The following RANBP10 variants were observed in gnomAD, a reference collection of about 807,000 sequenced individuals.
The protein encoded by RANBP10 is RAN binding protein 10.
Under a neutral mutation model 72.8 loss-of-function variants are expected in RANBP10, and 24 were observed. The ratio of observed to expected loss-of-function variants is 0.33; its 90% confidence interval spans 0.24 to 0.46. The LOEUF (loss-of-function observed/expected upper bound fraction) is 0.46. Among genes scored for constraint, RANBP10 ranks in the 20% least tolerant of loss-of-function variants. RANBP10 has a pLI of 1.00. For synonymous variants in RANBP10, 310 were observed against 322.3 expected, an observed-to-expected ratio of 0.96 and a Z score of 0.41; for missense variants, 679 against 817.5, an observed-to-expected ratio of 0.83 and a Z score of 2.07.
At chr16:67,780,156 C>T (rs1214069613) in intron 2 of RANBP10, among the ~76,000 whole-genome samples, 2 of 151,996 alleles carry the variant, frequency 1.3e-5, no homozygotes, top group Non-Finnish European at 2.9e-5. Context: ...CACTTGAACC[C>T]GGGAGGCGGA....
At chr16:67,761,021 C>A (rs746061068) in intron 3 of RANBP10, among the ~76,000 whole-genome samples, 3 of 152,250 alleles carry the variant, frequency 2.0e-5, no homozygotes, top group African/African-American at 7.2e-5. Context: ...CCCTTCCCTG[C>A]CAGCTCACCG....
At chr16:67,780,190 C>A (rs549562452) in intron 2 of RANBP10, among the ~76,000 whole-genome samples, 5 of 152,080 alleles carry the variant, frequency 3.3e-5, no homozygotes, top group Non-Finnish European at 7.3e-5. Flanking sequence ...CGAGATTGCG[C>A]CATTGCACTC....
At chr16:67,742,012 G>C (rs2053978899) in intron 4 of RANBP10, among the ~76,000 whole-genome samples, 1 of 151,834 alleles carries the variant, frequency 6.6e-6, no homozygotes, top group Non-Finnish European at 1.5e-5. Flanking sequence ...TTTTCAGTAA[G>C]GTCTCAATAA....
intron 6 of RANBP10, among the ~76,000 whole-genome samples, chr16:67,734,436 T>G (rs2053798044): frequency 6.6e-6 from 1 of 152,186 alleles, no homozygotes; most frequent in African/African-American, 2.4e-5. Flanking sequence ...TATAGACGAA[T>G]GAGACTCAGT....
At chr16:67,749,588 C>T (rs556895911) in intron 3 of RANBP10, among the ~76,000 whole-genome samples, 1 of 152,328 alleles carries the variant, frequency 6.6e-6, no homozygotes, top group Non-Finnish European at 1.5e-5. Flanking sequence ...CAACTCAGCT[C>T]CTAAGCTCAC....
intron 2 of RANBP10, among the ~76,000 whole-genome samples, chr16:67,804,099 T>C: frequency 6.6e-6 from 1 of 152,058 alleles, no homozygotes; most frequent in East Asian, 1.9e-4. Context: ...GCATTTTGCA[T>C]GCACTACAAA....
At chr16:67,753,832 C>G (rs561452523) in intron 3 of RANBP10, among the ~76,000 whole-genome samples, 2 of 152,020 alleles carry the variant, frequency 1.3e-5, no homozygotes, top group African/African-American at 4.8e-5. Flanking sequence ...CATGGTGGCA[C>G]CATTTATCAA....
At chr16:67,762,030 A>T (rs1014030302) in intron 3 of RANBP10, among the ~76,000 whole-genome samples, 3 of 152,148 alleles carry the variant, frequency 2.0e-5, no homozygotes, top group Non-Finnish European at 4.4e-5. Flanking sequence ...CCAAAGGAGG[A>T]GGACTGCTTG....
chr16:67,741,333 A>C (rs1385991724), intron 4 of RANBP10, among the ~76,000 whole-genome samples: 2 of 152,198 alleles, frequency 1.3e-5, no homozygotes, highest in Non-Finnish European at 2.9e-5. Context: ...CAGGAGAATG[A>C]GGAAAGACGC....
intron 12 of RANBP10, 54 bp downstream of exon 12, chr16:67,727,697 T>A (rs541450490): frequency 6.8e-6 from 11 of 1,611,768 alleles, no homozygotes; most frequent in Non-Finnish European, 9.3e-6. Flanking sequence ...AGAGCCACCC[T>A]GCCCCCAACA....
chr16:67,796,012 G>A (rs1409959055), intron 2 of RANBP10, among the ~76,000 whole-genome samples: 7 of 148,658 alleles, frequency 4.7e-5, no homozygotes, highest in East Asian at 2.0e-4. Flanking sequence ...CACCTCCCGC[G>A]TTCAAGTGAT....
rs141826437 is a variant in RANBP10, at chr16:67,729,375, CGAGGAG to C, written c.1251_1256del (p.Ser421_Ser422del). 2.1e-4 allele frequency: 330 copies of C among 1,607,928 alleles called. 2 individuals carry two copies. The African/African-American group carries it at 3.5e-3, about 17-fold the overall frequency. On this transcript the variant is annotated inframe_deletion, in exon 10 of 14. Coordinates refer to ENST00000317506, the MANE Select transcript of RANBP10 (RefSeq NM_020850.3). The surrounding 1 kb of genome is among the most constrained non-coding windows in gnomAD (Gnocchi z 7.1). ...AATTGACGGAGGATGGGGAAGAGGA[CGAGGAG>C]GAGGAGGAGGACGAGGATGAGGAGC...
intron 2 of RANBP10, among the ~76,000 whole-genome samples, chr16:67,794,930 T>TAAAAA (rs1239858200): frequency 3.3e-4 from 18 of 54,258 alleles, no homozygotes; most frequent in African/African-American, 8.5e-4. Context: ...TGCCTCAAAT[T>TAAAAA]AAAAAAAAAA....
At chr16:67,731,624 G>T in intron 6 of RANBP10, 40 bp from the exon 7 acceptor site, 1 of 1,495,392 alleles carries the variant, frequency 6.7e-7, no homozygotes, top group Non-Finnish European at 9.2e-7. Context: ...CTCAAGAACT[G>T]CACTTCTCAC....
At chr16:67,799,821 G>T (rs1158958928) in intron 2 of RANBP10, among the ~76,000 whole-genome samples, 1 of 151,866 alleles carries the variant, frequency 6.6e-6, no homozygotes, top group African/African-American at 2.4e-5. Context: ...TGTGCTCCTG[G>T]GGCCCAGGCT....
intron 10 of RANBP10, 112 bp from the exon 11 acceptor site, chr16:67,728,623 C>T (rs1487173730): frequency 1.9e-6 from 3 of 1,568,686 alleles, no homozygotes; most frequent in Non-Finnish European, 2.6e-6. Context: ...CCGAGGACCC[C>T]CAGGAACATG....
At chr16:67,754,736 G>A (rs2054257440) in intron 3 of RANBP10, among the ~76,000 whole-genome samples, 1 of 152,210 alleles carries the variant, frequency 6.6e-6, no homozygotes. Flanking sequence ...TGGGTGCCAG[G>A]AAAGCCAGTG....
At position 67,806,395 on chromosome 16, in the gene RANBP10, G is replaced by C. The variant is rs996555017; in HGVS notation, c.142C>G (p.Gln48Glu). ...GAGCGCGGCAGCGGAGTCTCTTGCTGGTTGACCGCGGGATACAGGCGCTGC... is the reference window on the plus strand; with the variant it reads ...GAGCGCGGCAGCGGAGTCTCTTGCTCGTTGACCGCGGGATACAGGCGCTGC... ...RLQRLYPAVN[Q>E]QETPLPRSWS... The change falls in exon 1 of 14, where the codon CAG (glutamine) becomes GAG (glutamate). Residue 48 changes from glutamine (Q) to glutamate (E), a missense_variant. By Grantham distance (29) the Gln-to-Glu change is conservative. Transcript: ENST00000317506. 3.7e-6 allele frequency: 6 copies of C among 1,610,280 alleles called. No individual in the cohort carries two copies.
chr16:67,774,565 G>C lies in RANBP10; in HGVS notation c.348-2479C>G, dbSNP rs931021619. On this transcript the variant is annotated intron_variant, in intron 2 of 13. Transcript: ENST00000317506. ...GAGCCTCTGTACAAACCCCTGCCTC[G>C]ACTTGAGAATCTGAGTGGACTGTCT... 3.9e-5 allele frequency among the ~76,000 whole-genome samples: 6 copies of C among 152,056 alleles called. No homozygotes were observed. In the South Asian group the frequency reaches 1.2e-3, roughly 32 times the overall value.
Sources: gnomAD v4.1 joint callset for allele counts (sites outside exome capture counted in the v4.1 genomes callset) on GRCh38, gnomAD v4.1.1 for gene constraint, Gnocchi (gnomAD v3.1) non-coding constraint, MANE v1.5 for transcripts, NCBI Gene and HGNC (gene_info 2026-07-23, HGNC 2026-07-21) for gene names.